The following RANBP17 variants were observed in gnomAD, a reference collection of about 807,000 sequenced individuals.
RANBP17 encodes RAN binding protein 17.
In RANBP17, 158 loss-of-function variants were observed where a neutral mutation model predicts 141.2. That is an observed-to-expected ratio of 1.12 (90% CI 0.98 to 1.28). The LOEUF (loss-of-function observed/expected upper bound fraction) is 1.28, where lower values mean the gene tolerates loss of function less well. RANBP17 is among the 50% of genes most tolerant of loss of function. The pLI, the probability that RANBP17 is intolerant of heterozygous loss-of-function variation, is 0.00. For synonymous variants in RANBP17, 430 were observed against 450.0 expected (o/e 0.96, Z 0.56); for missense variants, 1,438 against 1,290.7 (o/e 1.11, Z -1.75).
At chr5:170,912,977 A>G (rs1771653486) in intron 7 of RANBP17, among the ~76,000 whole-genome samples, 1 of 151,994 alleles carries the variant, frequency 6.6e-6, no homozygotes, top group Admixed American at 6.6e-5. Flanking sequence ...GAAAAAAGTA[A>G]GTCTCCTCCT....
chr5:171,270,940 A>G (rs966633621), intron 25 of RANBP17, among the ~76,000 whole-genome samples: 3 of 152,104 alleles, frequency 2.0e-5, no homozygotes, highest in African/African-American at 7.2e-5. Context: ...TAGAGCAGTT[A>G]GGGTTGAATT....
intron 18 of RANBP17, among the ~76,000 whole-genome samples, chr5:171,192,927 T>C (rs1409263204): frequency 2.0e-5 from 3 of 152,262 alleles, no homozygotes; most frequent in Non-Finnish European, 2.9e-5. Flanking sequence ...AAAAACAAAT[T>C]GTGGCCCAAG....
At chr5:171,003,862 CA>C (rs1779393855) in intron 14 of RANBP17, among the ~76,000 whole-genome samples, 1 of 151,822 alleles carries the variant, frequency 6.6e-6, no homozygotes, top group African/African-American at 2.4e-5. Context: ...GGGAATAGTG[CA>C]AAAAGCATCT....
rs961143396 is a variant in RANBP17 at position 171,153,619 on chromosome 5, G to A, written c.1711-16511G>A. Among the ~76,000 whole-genome samples the A allele has an allele frequency of 2.0e-5, 3 of 152,188 alleles. No homozygotes were observed. In the South Asian group the frequency reaches 6.2e-4, roughly 32 times the overall value. On this transcript the variant is annotated intron_variant, in intron 14 of 27. Transcript: ENST00000523189. ...ACAGGGGAAGACTGACACCCAGGGG[G>A]TGCTTGGGTTTCTTTTAGTGTCATT...
chr5:171,044,843 C>G (rs1047356389), intron 14 of RANBP17, among the ~76,000 whole-genome samples: 1 of 152,062 alleles, frequency 6.6e-6, no homozygotes, highest in Admixed American at 6.5e-5. Context: ...CTTAATTAGT[C>G]TATCCTAGAT....
At chr5:170,947,231 A>ACATTT (rs1774839769) in intron 12 of RANBP17, among the ~76,000 whole-genome samples, 1 of 152,128 alleles carries the variant, frequency 6.6e-6, no homozygotes, top group South Asian at 2.1e-4. Context: ...GGTAATGTTA[A>ACATTT]CCTTTCCTTT....
intron 14 of RANBP17, among the ~76,000 whole-genome samples, chr5:171,033,152 T>C (rs1781656651): frequency 6.6e-6 from 1 of 150,470 alleles, no homozygotes; most frequent in African/African-American, 2.4e-5. Context: ...TGTTGTGAGA[T>C]GAGACGTTTT....
intron 18 of RANBP17, among the ~76,000 whole-genome samples, chr5:171,190,963 A>C (rs1761588865): frequency 6.6e-6 from 1 of 152,196 alleles, no homozygotes; most frequent in Non-Finnish European, 1.5e-5. Context: ...CGTGGATAGG[A>C]TTTGAGTGAG....
At chr5:171,102,656 C>T (rs1205155189) in intron 14 of RANBP17, among the ~76,000 whole-genome samples, 1 of 152,084 alleles carries the variant, frequency 6.6e-6, no homozygotes, top group African/African-American at 2.4e-5. Flanking sequence ...AGTTGTGATC[C>T]TTTGGAAGAG....
intron 24 of RANBP17, among the ~76,000 whole-genome samples, chr5:171,251,709 C>T (rs1157782477): frequency 6.6e-6 from 1 of 152,180 alleles, no homozygotes; most frequent in Non-Finnish European, 1.5e-5. Flanking sequence ...TCCGTGGCGG[C>T]TCGGGGTCCA....
intron 14 of RANBP17, among the ~76,000 whole-genome samples, chr5:170,978,497 T>G (rs1217192133): frequency 6.6e-6 from 1 of 152,170 alleles, no homozygotes; most frequent in Non-Finnish European, 1.5e-5. Flanking sequence ...ACTCATACAC[T>G]GTAATACTAT....
intron 22 of RANBP17, among the ~76,000 whole-genome samples, chr5:171,235,083 G>A (rs146710949): frequency 2.2e-3 from 340 of 152,292 alleles, no homozygotes; most frequent in African/African-American, 7.8e-3. Flanking sequence ...AAAATCGAGA[G>A]AATGTGTCTT....
chr5:171,267,238 C>T (rs910675949), intron 25 of RANBP17, among the ~76,000 whole-genome samples: 15 of 148,602 alleles, frequency 1.0e-4, no homozygotes, highest in African/African-American at 7.4e-5. Context: ...AGTTTTGCCA[C>T]GTTGCCAGGC....
At chr5:171,159,261 C>G (rs745565971) in intron 14 of RANBP17, among the ~76,000 whole-genome samples, 6 of 152,168 alleles carry the variant, frequency 3.9e-5, no homozygotes, top group African/African-American at 1.2e-4. Flanking sequence ...CAGGAATGAT[C>G]AGTTTCAGAG....
At chr5:171,045,667 G>A (rs921690517) in intron 14 of RANBP17, among the ~76,000 whole-genome samples, 2 of 152,096 alleles carry the variant, frequency 1.3e-5, no homozygotes, top group Admixed American at 1.3e-4. Context: ...CTCTAAAACA[G>A]TATGCAATGT....
Position 171,038,065 on chromosome 5 carries a change from T to G in RANBP17, c.1710+69688T>G, listed in dbSNP as rs1025987085. On this transcript the variant is annotated intron_variant, in intron 14 of 27. Coordinates refer to ENST00000523189, the MANE Select transcript of RANBP17 (RefSeq NM_022897.5). ...CCTCCAATCCATGAGCATGCAATGT[T>G]TCTCCATTTGTTTGTGTCATCTGAT... 2.6e-5 allele frequency among the ~76,000 whole-genome samples: 4 copies of G among 152,136 alleles called. No homozygotes were observed. The South Asian group carries it at 6.2e-4, about 24-fold the overall frequency.
intron 22 of RANBP17, among the ~76,000 whole-genome samples, chr5:171,226,292 A>C (rs944394433): frequency 6.6e-6 from 1 of 152,168 alleles, no homozygotes; most frequent in Non-Finnish European, 1.5e-5. Context: ...TGGTATCTTT[A>C]GTGACATCTG....
At chr5:171,271,718 G>C (rs1048761449) in intron 25 of RANBP17, 9 of 211,382 alleles carry the variant, frequency 4.3e-5, no homozygotes, top group Non-Finnish European at 7.7e-5. Context: ...AACTGGATCA[G>C]GTAATAACGG....
chr5:171,130,336 C>T (rs2127788011), intron 14 of RANBP17, among the ~76,000 whole-genome samples: 1 of 148,282 alleles, frequency 6.7e-6, no homozygotes, highest in African/African-American at 2.5e-5. Context: ...TCATCATTTT[C>T]ATTTTCTTTG....
Sources: gnomAD v4.1 joint callset for allele counts (sites outside exome capture counted in the v4.1 genomes callset) on GRCh38, gnomAD v4.1.1 for gene constraint, MANE v1.5 for transcripts, NCBI Gene and HGNC (gene_info 2026-07-23, HGNC 2026-07-21) for gene names.